Variants in WHRN observed in about 807,000 individuals in gnomAD.
The protein encoded by WHRN is whirlin.
WHRN carries 41 observed loss-of-function variants against 68.3 expected under a neutral mutation model. That is an observed-to-expected ratio of 0.60 (90% CI 0.47 to 0.78). The LOEUF is 0.78. Ranked by LOEUF, WHRN falls within the 30% of genes least tolerant of loss-of-function variation. WHRN has a pLI of 0.00. For missense variants in WHRN, 1,243 were observed against 1,244.7 expected (o/e 1.00, Z 0.02); for synonymous variants, 560 against 561.3 (o/e 1.00, Z 0.03).
At chr9:114,501,643 A>G (rs1244046099) in intron 1 of WHRN, among the ~76,000 whole-genome samples, 1 of 151,590 alleles carries the variant, frequency 6.6e-6, no homozygotes, top group African/African-American at 2.4e-5. Context: ...CCCACCTTCC[A>G]TCGCAGGAAA....
Position 114,424,463 on chromosome 9 carries a change from C to T in WHRN, c.1287G>A (p.Gln429=), listed in dbSNP as rs749333910. ...GNQTRVLLEE[Q]ARHLLNEQEH... is the part of the protein sequence containing the mutation. ...CCTGCTCGTTCAGCAGGTGCCGAGC[C>T]TGCTCCTCCAGCAGCACTCGTGTCT... The change falls in exon 6 of 12, where the codon CAG becomes CAA. Residue 429 remains glutamine, a synonymous_variant. Transcript: ENST00000362057. 6.2e-7 allele frequency: 1 copy of T among 1,613,972 alleles called. No individual in the cohort carries two copies. Among genetic ancestry groups the T allele is most frequent in the South Asian group, 1.1e-5 (1 of 91,064 alleles).
chr9:114,402,959 A>G (rs1209748212), intron 11 of WHRN, 23 bp from the exon 12 acceptor site: 1 of 1,599,934 alleles, frequency 6.3e-7, no homozygotes, highest in Non-Finnish European at 8.5e-7. Flanking sequence ...GACACAGGGC[A>G]TGGGGTGCCC....
intron 7 of WHRN, among the ~76,000 whole-genome samples, chr9:114,415,076 C>T (rs779989754): frequency 2.6e-5 from 4 of 152,122 alleles, no homozygotes; most frequent in Non-Finnish European, 5.9e-5. Flanking sequence ...GCGGGAGGAT[C>T]CCTTGAGGCC....
intron 7 of WHRN, among the ~76,000 whole-genome samples, chr9:114,409,238 C>T (rs929551406): frequency 8.2e-6 from 1 of 122,102 alleles, no homozygotes; most frequent in Non-Finnish European, 1.9e-5. Flanking sequence ...GGGCTGGGGA[C>T]ACAGAGGTGG....
In WHRN at chr9:114,424,520, G is replaced by A. The variant is rs1455807061; in HGVS notation, c.1230C>T (p.Gly410=). ...CCAGGCTGCTCAGGGTCACCTGGGAGCCGGCTGGGCCCTTGTAAAATCCTG... is the reference window on the plus strand; with the variant it reads ...CCAGGCTGCTCAGGGTCACCTGGGAACCGGCTGGGCCCTTGTAAAATCCTG... ...NKPGFYKGPA[G]SQVTLSSLGN... Residue 410 remains glycine (G), a synonymous_variant, in exon 6 of 12, where the codon GGC becomes GGT. Coordinates refer to ENST00000362057, the MANE Select transcript of WHRN (RefSeq NM_015404.4). 1 of 1,613,448 alleles carries A rather than the reference G, an allele frequency of 6.2e-7. No homozygotes were observed. The highest frequency in any genetic ancestry group is 8.5e-7 in the Non-Finnish European group (1 of 1,179,730).
chr9:114,434,444 G>A (rs926842457), intron 3 of WHRN, among the ~76,000 whole-genome samples: 4 of 152,114 alleles, frequency 2.6e-5, no homozygotes, highest in African/African-American at 9.7e-5. Flanking sequence ...AGTCACACAA[G>A]TTCCACTTCA....
At chr9:114,491,668 CG>C in intron 1 of WHRN, 1 of 243,050 alleles carries the variant, frequency 4.1e-6, no homozygotes, top group South Asian at 7.9e-5. Flanking sequence ...TGCCGCCACC[CG>C]CAAGCAGAGG....
At chr9:114,442,671 G>A (rs1838475695) in intron 3 of WHRN, among the ~76,000 whole-genome samples, 1 of 152,106 alleles carries the variant, frequency 6.6e-6, no homozygotes, top group Admixed American at 6.6e-5. Flanking sequence ...GTCAAAAAGA[G>A]TCTGGGACCT....
At chr9:114,412,431 G>A (rs751138652) in intron 7 of WHRN, among the ~76,000 whole-genome samples, 5 of 152,246 alleles carry the variant, frequency 3.3e-5, no homozygotes, top group South Asian at 2.1e-4. Context: ...TAGACCTGGC[G>A]GCTCCATTAA....
At chr9:114,471,170 C>T (rs777226689) in intron 2 of WHRN, among the ~76,000 whole-genome samples, 1 of 152,070 alleles carries the variant, frequency 6.6e-6, no homozygotes. Context: ...GAGAAGCAGC[C>T]GGGCCCAGTG....
chr9:114,502,086 T>C (rs1220587777), intron 1 of WHRN, among the ~76,000 whole-genome samples: 2 of 152,200 alleles, frequency 1.3e-5, no homozygotes, highest in African/African-American at 4.8e-5. Context: ...CTTTTCCTCC[T>C]GGGGTTAATG....
rs760802180 is a variant in WHRN at position 114,403,975 on chromosome 9, C to T, written c.2339G>A (p.Arg780Lys). 1.9e-6 allele frequency: 3 copies of T among 1,609,626 alleles called. No individual in the cohort carries two copies. The highest frequency in any genetic ancestry group is 2.5e-6 in the Non-Finnish European group (3 of 1,178,784). ...EAEASAPGRG[R>K]QSVSTKSRSS... ...CCTGCTCTTGGTGGACACCGACTGC[C>T]TTCCTCGGCCTGGGGCGCTGGCCTC... Residue 780 changes from arginine (R) to lysine (K), a missense_variant, in exon 10 of 12, where the codon AGG (arginine) becomes AAG (lysine). Coordinates refer to ENST00000362057, the MANE Select transcript of WHRN (RefSeq NM_015404.4).
At chr9:114,413,167 T>C (rs1000255095) in intron 7 of WHRN, among the ~76,000 whole-genome samples, 1 of 151,986 alleles carries the variant, frequency 6.6e-6, no homozygotes, top group Non-Finnish European at 1.5e-5. Flanking sequence ...AGATTTTGCC[T>C]GAAGGGGCTG....
intron 8 of WHRN, 34 bp downstream of exon 8, chr9:114,407,913 G>A: frequency 6.4e-7 from 1 of 1,562,330 alleles, no homozygotes; most frequent in Non-Finnish European, 8.7e-7. Flanking sequence ...GCACACCAGG[G>A]AGAGCAGAAC....
At chr9:114,423,651 C>A (rs894402104) in intron 6 of WHRN, 128 bp from the exon 7 acceptor site, 4 of 889,772 alleles carry the variant, frequency 4.5e-6, no homozygotes, top group South Asian at 3.5e-5. Flanking sequence ...GTCTGGCTCC[C>A]CAGTGCTCTC....
chr9:114,406,436 G>T lies in WHRN; in HGVS notation c.2155C>A (p.Gln719Lys). The T allele has an allele frequency of 3.7e-6, 6 of 1,614,172 alleles. No individual in the cohort carries two copies. Among genetic ancestry groups the T allele is most frequent in the Non-Finnish European group, 5.1e-6 (6 of 1,180,040 alleles). ...SGHPDQTGTN[Q>K]HFVMVEVHRP... ...TGGACCTCCACCATGACAAAGTGCT[G>T]GTTTGTGCCTGTCTGGTCTGGGTGG... Residue 719 changes from glutamine (Q) to lysine (K), a missense_variant, in exon 9 of 12, where the codon CAG becomes AAG. By Grantham distance (53) the Gln-to-Lys change is moderately conservative. Coordinates refer to ENST00000362057, the MANE Select transcript of WHRN (RefSeq NM_015404.4).
At chr9:114,424,944 G>A (rs1461700808) in intron 5 of WHRN, 44 bp downstream of exon 5, 2 of 1,595,302 alleles carry the variant, frequency 1.3e-6, no homozygotes, top group Non-Finnish European at 1.7e-6. Flanking sequence ...CCTCACTCAG[G>A]GAGCTGTGAG....
intron 2 of WHRN, among the ~76,000 whole-genome samples, chr9:114,473,445 T>C (rs1841408421): frequency 6.6e-6 from 1 of 152,206 alleles, no homozygotes; most frequent in African/African-American, 2.4e-5. Context: ...GATATGAGCC[T>C]GACCTGTCCC....
intron 3 of WHRN, among the ~76,000 whole-genome samples, chr9:114,439,480 T>C (rs974027197): frequency 1.3e-5 from 2 of 152,222 alleles, no homozygotes; most frequent in Admixed American, 6.5e-5. Flanking sequence ...ACACTTAAGG[T>C]AGGTTCTTGA....
Sources: allele counts gnomAD v4.1 joint callset (sites outside exome capture counted in the v4.1 genomes callset), GRCh38; gene constraint gnomAD v4.1.1; transcripts MANE v1.5; gene names NCBI Gene and HGNC (gene_info 2026-07-23, HGNC 2026-07-21).